SYT1: variants seen among roughly 807,000 people sequenced by gnomAD.
SYT1 encodes the protein synaptotagmin-1.
SYT1 carries 8 observed loss-of-function variants against 44.8 expected under a neutral mutation model. The observed-to-expected ratio is 0.18, with a 90% CI of 0.10 to 0.32. The LOEUF is 0.32. SYT1 is among the 10% of genes least tolerant of loss of function. The pLI, the probability that SYT1 is intolerant of heterozygous loss-of-function variation, is 1.00. For missense variants in SYT1, 286 were observed against 509.3 expected (o/e 0.56, Z 4.22); for synonymous variants, 154 against 188.8 (o/e 0.82, Z 1.51).
At chr12:79,151,833 G>T (rs1268989929) in intron 3 of SYT1, among the ~76,000 whole-genome samples, 4 of 152,166 alleles carry the variant, frequency 2.6e-5, no homozygotes, top group African/African-American at 9.7e-5. Flanking sequence ...AAGTACGAGG[G>T]ATGTGCTGAC....
chr12:78,945,049 G>A (rs1012739652), intron 1 of SYT1, among the ~76,000 whole-genome samples: 7 of 152,128 alleles, frequency 4.6e-5, no homozygotes, highest in African/African-American at 1.7e-4. Flanking sequence ...GTGTGAGAAT[G>A]ACAACTTCAA....
intron 9 of SYT1, among the ~76,000 whole-genome samples, chr12:79,359,418 C>G (rs150561019): frequency 6.6e-6 from 1 of 152,120 alleles, no homozygotes; most frequent in Non-Finnish European, 1.5e-5. Context: ...CCTGGCCATC[C>G]CTAGTCCTGC....
chr12:78,872,662 A>G (rs1288314809), intron 1 of SYT1, among the ~76,000 whole-genome samples: 1 of 150,086 alleles, frequency 6.7e-6, no homozygotes, highest in Non-Finnish European at 1.5e-5. Context: ...TTGTATCTTA[A>G]TTAAATATTT....
intron 8 of SYT1, among the ~76,000 whole-genome samples, chr12:79,300,951 A>G (rs1880122124): frequency 6.6e-6 from 1 of 151,244 alleles, no homozygotes; most frequent in Admixed American, 6.6e-5. Context: ...GATTTTATGG[A>G]TAGTTCTTTC....
intron 3 of SYT1, among the ~76,000 whole-genome samples, chr12:79,126,323 C>T (rs576448121): frequency 2.0e-5 from 3 of 152,288 alleles, no homozygotes; most frequent in South Asian, 2.1e-4. Flanking sequence ...TGCAGTAGCA[C>T]GATCTTGGCT....
At chr12:79,261,744 TCA>T (rs1177502988) in intron 4 of SYT1, among the ~76,000 whole-genome samples, 5 of 152,200 alleles carry the variant, frequency 3.3e-5, no homozygotes, top group Non-Finnish European at 7.4e-5. Flanking sequence ...CATGTAATTC[TCA>T]CAGTTATTAT....
chr12:79,025,343 A>G (rs544318977), intron 2 of SYT1, among the ~76,000 whole-genome samples: 17 of 151,918 alleles, frequency 1.1e-4, no homozygotes, highest in African/African-American at 4.1e-4. Context: ...CTCAAAGCCA[A>G]AGCTATAATG....
chr12:78,968,373 C>T (rs1379198722), intron 1 of SYT1, among the ~76,000 whole-genome samples: 1 of 152,062 alleles, frequency 6.6e-6, no homozygotes, highest in Non-Finnish European at 1.5e-5. Context: ...TCATACACCC[C>T]TCTAGCCCCC....
chr12:78,987,439 T>TG (rs1392524863), intron 2 of SYT1, among the ~76,000 whole-genome samples: 1 of 151,868 alleles, frequency 6.6e-6, no homozygotes, highest in African/African-American at 2.4e-5. Flanking sequence ...TTTCAAGATG[T>TG]GGGGGAAAAA....
intron 4 of SYT1, among the ~76,000 whole-genome samples, chr12:79,227,238 T>A (rs12307030): frequency 0.047 from 7,091 of 152,112 alleles, 327 homozygotes; most frequent in East Asian, 0.12. Flanking sequence ...AAATTTTTTT[T>A]AAAAAAAGGA....
rs1868346906 is a variant in SYT1, at chr12:78,970,432, C to G, written c.-216-7367C>G. On this transcript the variant is annotated intron_variant, in intron 1 of 10. Coordinates refer to ENST00000261205, the MANE Select transcript of SYT1 (RefSeq NM_005639.3). ...TAAAAGGTTATCAGTATATTAGTTT[C>G]ATTTTACATCCTGGACTAACTCAGT... Among the ~76,000 whole-genome samples the G allele has an allele frequency of 2.0e-5, 3 of 152,228 alleles. No individual in the cohort carries two copies. In the South Asian group the frequency reaches 6.2e-4, roughly 32 times the overall value.
chr12:79,099,661 G>GTT (rs199537163), intron 3 of SYT1, among the ~76,000 whole-genome samples: 84 of 141,172 alleles, frequency 6.0e-4, no homozygotes, highest in African/African-American at 2.2e-3. Context: ...AAAAGAATGA[G>GTT]TTTTTTTTTT....
chr12:79,332,668 G>A (rs998104958), intron 8 of SYT1, among the ~76,000 whole-genome samples: 5 of 152,152 alleles, frequency 3.3e-5, no homozygotes, highest in African/African-American at 1.2e-4. Flanking sequence ...AGATATTGTG[G>A]GAGGTATTCC....
chr12:79,390,946 A>G (rs193092681), intron 9 of SYT1, among the ~76,000 whole-genome samples: 303 of 152,180 alleles, frequency 2.0e-3, no homozygotes, highest in Non-Finnish European at 3.3e-3. Flanking sequence ...CATCCTGGAG[A>G]TTCCTGCCAT....
chr12:79,145,745 T>G (rs58946544), intron 3 of SYT1, among the ~76,000 whole-genome samples: 6,592 of 130,424 alleles, frequency 0.051, 341 homozygotes, highest in East Asian at 0.22. Context: ...TGGTTTTTTT[T>G]TTTTTTTGTT....
chr12:78,915,538 T>G (rs1876602775), intron 1 of SYT1, among the ~76,000 whole-genome samples: 1 of 152,058 alleles, frequency 6.6e-6, no homozygotes, highest in African/African-American at 2.4e-5. Context: ...TAATTTCCAC[T>G]ATTTGAATTT....
At chr12:78,865,575 G>T (rs1873495678) in intron 1 of SYT1, among the ~76,000 whole-genome samples, 2 of 148,704 alleles carry the variant, frequency 1.3e-5, no homozygotes, top group African/African-American at 2.5e-5. Flanking sequence ...GGGGGGGGGG[G>T]GGAACGTAAA....
At chr12:79,139,174 C>T (rs985789973) in intron 3 of SYT1, among the ~76,000 whole-genome samples, 1 of 152,150 alleles carries the variant, frequency 6.6e-6, no homozygotes, top group Non-Finnish European at 1.5e-5. Context: ...CTCACAGCCT[C>T]ATTCCTTATT....
At chr12:79,324,647 G>A (rs1368583593) in intron 8 of SYT1, among the ~76,000 whole-genome samples, 2 of 152,138 alleles carry the variant, frequency 1.3e-5, no homozygotes, top group African/African-American at 4.8e-5. Flanking sequence ...TTAAAAATAA[G>A]ACCTATAGCA....
Sources: gnomAD v4.1 joint callset for allele counts (sites outside exome capture counted in the v4.1 genomes callset) on GRCh38, gnomAD v4.1.1 for gene constraint, MANE v1.5 for transcripts, NCBI Gene and HGNC (gene_info 2026-07-23, HGNC 2026-07-21) for gene names.